P4HA1: variants seen among roughly 807,000 people sequenced by gnomAD.
P4HA1 encodes the protein prolyl 4-hydroxylase subunit alpha 1.
A neutral mutation model predicts 72.8 loss-of-function variants in P4HA1; 24 were observed. That is an observed-to-expected ratio of 0.33 (90% confidence interval 0.24 to 0.46). The LOEUF is 0.46. Among genes scored for constraint, P4HA1 ranks in the 20% least tolerant of loss-of-function variants. The probability of loss-of-function intolerance (pLI) is 1.00; values close to 1 mark genes in which losing one functional copy is unlikely to be tolerated. For missense variants in P4HA1, 446 were observed against 640.6 expected (o/e 0.70, Z 3.28); for synonymous variants, 201 against 218.8 (o/e 0.92, Z 0.72).
At chr10:73,078,393 C>G (rs945054286) in intron 1 of P4HA1, among the ~76,000 whole-genome samples, 1 of 151,792 alleles carries the variant, frequency 6.6e-6, no homozygotes, top group African/African-American at 2.4e-5. Context: ...AATGAAAAAA[C>G]AAGATTTAAA....
At chr10:73,089,146 AACAT>A (rs1841977306) in intron 1 of P4HA1, among the ~76,000 whole-genome samples, 1 of 152,210 alleles carries the variant, frequency 6.6e-6, no homozygotes, top group African/African-American at 2.4e-5. Flanking sequence ...CATAATTTTC[AACAT>A]ACAAATATTA....
intron 9 of P4HA1, among the ~76,000 whole-genome samples, chr10:73,043,402 C>T (rs1840782677): frequency 6.6e-6 from 1 of 152,128 alleles, no homozygotes; most frequent in South Asian, 2.1e-4. Flanking sequence ...ACAGTGAGCT[C>T]TTTTTAAAAA....
At chr10:73,046,782 A>G (rs1266164831) in intron 8 of P4HA1, 143 bp downstream of exon 8, 1 of 623,124 alleles carries the variant, frequency 1.6e-6, no homozygotes, top group East Asian at 2.7e-5. Flanking sequence ...ACACAGCATC[A>G]TTAGTAACTC....
At chr10:73,063,599 G>A (rs1488535424) in intron 5 of P4HA1, among the ~76,000 whole-genome samples, 1 of 152,204 alleles carries the variant, frequency 6.6e-6, no homozygotes, top group Non-Finnish European at 1.5e-5. Context: ...AAACTGAGAA[G>A]ATGAGCTCAT....
At chr10:73,095,254 A>T (rs1589638323) in intron 1 of P4HA1, among the ~76,000 whole-genome samples, 1 of 143,894 alleles carries the variant, frequency 6.9e-6, no homozygotes, top group African/African-American at 2.7e-5. Context: ...AAAAAAAAAA[A>T]TCACGGGGTG....
intron 11 of P4HA1, among the ~76,000 whole-genome samples, 200 bp downstream of exon 11, chr10:73,016,646 G>A (rs1260572893): frequency 5.3e-5 from 8 of 152,108 alleles, no homozygotes; most frequent in South Asian, 2.1e-4. Flanking sequence ...GCATGGTGGC[G>A]CATGCCTGTG....
intron 5 of P4HA1, among the ~76,000 whole-genome samples, chr10:73,064,071 G>A (rs542847551): frequency 6.6e-6 from 1 of 152,294 alleles, no homozygotes; most frequent in Non-Finnish European, 1.5e-5. Flanking sequence ...TTCAAAGGAA[G>A]AGGCATGGAT....
intron 1 of P4HA1, among the ~76,000 whole-genome samples, chr10:73,077,210 T>TAA (rs1395341070): frequency 6.6e-6 from 1 of 152,234 alleles, no homozygotes; most frequent in African/African-American, 2.4e-5. Context: ...AACATACTTC[T>TAA]ATTCTAATTT....
At chr10:73,073,079 A>G (rs1449490196) in intron 3 of P4HA1, among the ~76,000 whole-genome samples, 1 of 150,752 alleles carries the variant, frequency 6.6e-6, no homozygotes, top group African/African-American at 2.4e-5. Flanking sequence ...CTGAGGCAAG[A>G]GAATCACTTG....
intron 6 of P4HA1, 117 bp from the exon 7 acceptor site, chr10:73,051,366 T>G: frequency 1.6e-6 from 1 of 615,342 alleles, no homozygotes. Flanking sequence ...AGGTTGCTGT[T>G]GTGAGTGAAA....
chr10:73,018,327 C>T (rs1351900022), intron 10 of P4HA1, among the ~76,000 whole-genome samples: 2 of 152,210 alleles, frequency 1.3e-5, no homozygotes, highest in Non-Finnish European at 2.9e-5. Flanking sequence ...CTGCACATCC[C>T]AGGGCTGAAG....
chr10:73,037,644 T>G lies in P4HA1; in HGVS notation c.1149-7274A>C, dbSNP rs1269311793. Among the ~76,000 whole-genome samples the G allele has an allele frequency of 4.3e-5, 6 of 140,008 alleles. No homozygotes were observed. In the Admixed American group the frequency reaches 4.5e-4, roughly 10 times the overall value. 91.9% of individuals were successfully genotyped at this position (140,008 alleles called of 152,430 possible). On this transcript the variant is annotated intron_variant, in intron 9 of 14. Transcript: ENST00000394890. ...AAGTGCCAGTTACAGAGGACAAAAT[T>G]TCCAATAATTCTTCTCTAGGTGCTT...
chr10:73,068,963 T>G lies in P4HA1; in HGVS notation c.346A>C (p.Ile116Leu), dbSNP rs1256411039. ...TCATTAGGAAAGTACTGTCTCTGAA[T>G]GGTTAGGTTAGAGATAAAGCCTTGA... ...MSDGFISNLT[I>L]QRQYFPNDED... is the part of the protein sequence containing the mutation. The change falls in exon 5 of 15, where the codon ATT (isoleucine) becomes CTT (leucine). Residue 116 changes from isoleucine (I) to leucine (L), a missense_variant. By Grantham distance (5) the Ile-to-Leu change is conservative (BLOSUM62 2). Coordinates refer to ENST00000394890, the MANE Select transcript of P4HA1 (RefSeq NM_001017962.3). 6 of 1,612,800 alleles carry G rather than the reference T, an allele frequency of 3.7e-6. No individual in the cohort carries two copies. The highest frequency in any genetic ancestry group is 5.1e-6 in the Non-Finnish European group (6 of 1,179,000).
At chr10:73,043,535 G>A (rs1840785389) in intron 9 of P4HA1, among the ~76,000 whole-genome samples, 1 of 152,166 alleles carries the variant, frequency 6.6e-6, no homozygotes, top group Admixed American at 6.5e-5. Context: ...CAGCTACTAG[G>A]TGACCCTGAG....
chr10:73,062,451 T>C (rs1369946363), intron 5 of P4HA1, among the ~76,000 whole-genome samples: 1 of 152,026 alleles, frequency 6.6e-6, no homozygotes, highest in Non-Finnish European at 1.5e-5. Context: ...AACATTTCTC[T>C]CAGAATATAC....
intron 10 of P4HA1, among the ~76,000 whole-genome samples, chr10:73,018,185 A>G (rs139972577): frequency 7.9e-5 from 12 of 152,278 alleles, no homozygotes; most frequent in African/African-American, 2.9e-4. Context: ...CTCCCTCCCA[A>G]GAAAATAGTA....
At chr10:73,031,125 A>G (rs1840423422) in intron 9 of P4HA1, among the ~76,000 whole-genome samples, 1 of 152,232 alleles carries the variant, frequency 6.6e-6, no homozygotes, top group Non-Finnish European at 1.5e-5. Context: ...ATATCCATCA[A>G]TTTATCAATG....
At chr10:73,017,209 A>G (rs1840027208) in intron 10 of P4HA1, among the ~76,000 whole-genome samples, 1 of 147,012 alleles carries the variant, frequency 6.8e-6, no homozygotes, top group Admixed American at 6.7e-5. Context: ...GTATATATAG[A>G]TATCTATATC....
In P4HA1 at chr10:73,082,769, T is replaced by C. The variant is rs371397792; in HGVS notation, c.-32-7854A>G. On this transcript the variant is annotated intron_variant, in intron 1 of 14. Coordinates refer to ENST00000394890, the MANE Select transcript of P4HA1 (RefSeq NM_001017962.3). ...TCCTCCTGAAATCTGTTTCAGACTTTTAATGTTTCTGACAGTTTTCATGGT... is the reference window on the plus strand; with the variant it reads ...TCCTCCTGAAATCTGTTTCAGACTTCTAATGTTTCTGACAGTTTTCATGGT... Among the ~76,000 whole-genome samples the C allele has an allele frequency of 7.9e-5, 12 of 152,280 alleles. No individual in the cohort carries two copies. The East Asian group carries it at 1.7e-3, about 22-fold the overall frequency.
Sources: allele counts gnomAD v4.1 joint callset (sites outside exome capture counted in the v4.1 genomes callset), GRCh38; gene constraint gnomAD v4.1.1; transcripts MANE v1.5; gene names NCBI Gene and HGNC (gene_info 2026-07-23, HGNC 2026-07-21).